The following NKAIN3 variants were observed in gnomAD, a reference collection of about 807,000 sequenced individuals.
The protein encoded by NKAIN3 is sodium/potassium-transporting ATPase subunit beta-1-interacting protein 3.
A neutral mutation model predicts 30.2 loss-of-function variants in NKAIN3; 25 were observed. The observed-to-expected ratio is 0.83, with a 90% confidence interval of 0.60 to 1.16. NKAIN3 has a LOEUF of 1.16. Ranked by LOEUF, NKAIN3 falls within the 50% of genes most tolerant of loss-of-function variation. The probability of loss-of-function intolerance (pLI) is 0.00; values close to 1 mark genes in which losing one functional copy is unlikely to be tolerated. For missense variants in NKAIN3, 225 were observed against 254.1 expected (o/e 0.89, Z 0.78); for synonymous variants, 91 against 89.6 (o/e 1.02, Z -0.09).
intron 1 of NKAIN3, among the ~76,000 whole-genome samples, chr8:62,249,551 A>C (rs2129385024): frequency 6.6e-6 from 1 of 152,316 alleles, no homozygotes; most frequent in East Asian, 1.9e-4. Context: ...GCTTAATTAC[A>C]CTGTGTGGGA....
chr8:62,284,132 G>C (rs1813293378), intron 1 of NKAIN3, among the ~76,000 whole-genome samples: 1 of 152,206 alleles, frequency 6.6e-6, no homozygotes, highest in South Asian at 2.1e-4. Context: ...GTCCCAGAAG[G>C]GGTATCAGAG....
intron 1 of NKAIN3, among the ~76,000 whole-genome samples, chr8:62,487,758 A>G (rs1006069728): frequency 1.3e-5 from 2 of 152,218 alleles, no homozygotes; most frequent in African/African-American, 4.8e-5. Flanking sequence ...TTATCACCAC[A>G]CATCTTGCAA....
intron 4 of NKAIN3, among the ~76,000 whole-genome samples, chr8:62,803,517 G>A (rs1818152502): frequency 6.6e-6 from 1 of 152,040 alleles, no homozygotes. Context: ...AATGACTACT[G>A]GGTACATAAA....
At chr8:62,994,621 T>C (rs1804060320) in intron 5 of NKAIN3, among the ~76,000 whole-genome samples, 1 of 152,254 alleles carries the variant, frequency 6.6e-6, no homozygotes, top group South Asian at 2.1e-4. Flanking sequence ...CAAAGGCTAC[T>C]GAGAGCAGAG....
At chr8:62,619,539 C>A (rs1346525886) in intron 3 of NKAIN3, among the ~76,000 whole-genome samples, 1 of 152,116 alleles carries the variant, frequency 6.6e-6, no homozygotes, top group African/African-American at 2.4e-5. Context: ...CAATGTATAT[C>A]TTAAATGTAT....
chr8:62,413,441 C>T (rs1804328699), intron 1 of NKAIN3, among the ~76,000 whole-genome samples: 1 of 152,192 alleles, frequency 6.6e-6, no homozygotes, highest in African/African-American at 2.4e-5. Context: ...TTTGCCTGAG[C>T]CTCACATTAT....
intron 4 of NKAIN3, among the ~76,000 whole-genome samples, chr8:62,828,634 T>G (rs79706396): frequency 3.9e-5 from 1 of 25,342 alleles, no homozygotes; most frequent in Non-Finnish European, 1.6e-4. Context: ...CACCCACTCT[T>G]TGAATCTGTT....
intron 1 of NKAIN3, among the ~76,000 whole-genome samples, chr8:62,462,512 C>A (rs1806029362): frequency 6.6e-6 from 1 of 152,112 alleles, no homozygotes; most frequent in Non-Finnish European, 1.5e-5. Context: ...TGGGCAAAGT[C>A]CCTGCTGTCC....
At chr8:62,310,142 T>C (rs1814380499) in intron 1 of NKAIN3, among the ~76,000 whole-genome samples, 1 of 150,428 alleles carries the variant, frequency 6.6e-6, no homozygotes, top group African/African-American at 2.5e-5. Flanking sequence ...TTGAGTCTTA[T>C]GAAATGCTTC....
intron 4 of NKAIN3, among the ~76,000 whole-genome samples, chr8:62,852,339 C>G (rs1390959790): frequency 6.6e-6 from 1 of 151,966 alleles, no homozygotes; most frequent in Non-Finnish European, 1.5e-5. Flanking sequence ...TTTGATTCTT[C>G]TCTCTTTTCT....
chr8:62,886,537 C>A (rs1294940967), intron 4 of NKAIN3, among the ~76,000 whole-genome samples: 2 of 152,084 alleles, frequency 1.3e-5, no homozygotes, highest in Non-Finnish European at 2.9e-5. Context: ...TTCTTGTCAA[C>A]AAATTATCTC....
chr8:62,533,982 C>T (rs1808566557), intron 1 of NKAIN3, among the ~76,000 whole-genome samples: 1 of 152,140 alleles, frequency 6.6e-6, no homozygotes, highest in African/African-American at 2.4e-5. Context: ...AAGTCCCTTT[C>T]TGTGATTGTC....
chr8:62,801,849 G>A (rs1818075167), intron 4 of NKAIN3, among the ~76,000 whole-genome samples: 1 of 152,128 alleles, frequency 6.6e-6, no homozygotes, highest in Non-Finnish European at 1.5e-5. Flanking sequence ...CAAACCAAAG[G>A]CAAAGAAGTT....
chr8:62,565,701 G>A (rs904690674), intron 1 of NKAIN3, among the ~76,000 whole-genome samples: 2 of 152,244 alleles, frequency 1.3e-5, no homozygotes, highest in East Asian at 1.9e-4. Flanking sequence ...TACTTCACTT[G>A]TGTTGGGGTT....
intron 1 of NKAIN3, among the ~76,000 whole-genome samples, chr8:62,485,469 G>A (rs974493173): frequency 4.6e-5 from 7 of 152,200 alleles, no homozygotes; most frequent in Admixed American, 3.9e-4. Context: ...TTGTGTGCCC[G>A]ACATGTTTGT....
intron 3 of NKAIN3, among the ~76,000 whole-genome samples, chr8:62,659,165 A>T (rs989374856): frequency 1.3e-5 from 2 of 152,202 alleles, no homozygotes; most frequent in Non-Finnish European, 2.9e-5. Context: ...GAGGTAACTC[A>T]AGGGCAATTT....
chr8:62,940,480 C>T (rs1273584288), intron 5 of NKAIN3, among the ~76,000 whole-genome samples: 2 of 152,054 alleles, frequency 1.3e-5, no homozygotes, highest in Non-Finnish European at 2.9e-5. Flanking sequence ...TATTCATAAG[C>T]ACATGGAACA....
intron 4 of NKAIN3, among the ~76,000 whole-genome samples, chr8:62,774,620 G>T (rs1817128861): frequency 6.6e-6 from 1 of 152,072 alleles, no homozygotes; most frequent in Admixed American, 6.6e-5. Flanking sequence ...CACAAAGGAT[G>T]TTGAATTTTA....
At chr8:62,294,207 C>T (rs1813752973) in intron 1 of NKAIN3, among the ~76,000 whole-genome samples, 1 of 152,208 alleles carries the variant, frequency 6.6e-6, no homozygotes, top group South Asian at 2.1e-4. Flanking sequence ...CTCTGCCCTT[C>T]TCCATGGGCT....
Sources: allele counts gnomAD v4.1 joint callset (sites outside exome capture counted in the v4.1 genomes callset), GRCh38; gene constraint gnomAD v4.1.1; transcripts MANE v1.5; gene names NCBI Gene and HGNC (gene_info 2026-07-23, HGNC 2026-07-21).